GRM7: variants seen among roughly 807,000 people sequenced by gnomAD.
GRM7 encodes glutamate metabotropic receptor 7.
Under a neutral mutation model 84.5 loss-of-function variants are expected in GRM7, and 35 were observed. The ratio of observed to expected loss-of-function variants is 0.41; its 90% CI spans 0.32 to 0.55. The LOEUF (loss-of-function observed/expected upper bound fraction) is 0.55, where lower values mean the gene tolerates loss of function less well. Among genes scored for constraint, GRM7 ranks in the 20% least tolerant of loss-of-function variants. GRM7 has a pLI of 0.19. For missense variants in GRM7, 1,003 were observed against 1,194.6 expected, an observed-to-expected ratio of 0.84 and a Z score of 2.36; for synonymous variants, 487 against 455.1, an observed-to-expected ratio of 1.07 and a Z score of -0.89.
At chr3:6,924,066 T>C (rs1360669261) in intron 1 of GRM7, among the ~76,000 whole-genome samples, 2 of 152,232 alleles carry the variant, frequency 1.3e-5, no homozygotes, top group African/African-American at 4.8e-5. Context: ...ACCTCACTTG[T>C]TTTCTCTGAA....
At chr3:7,138,376 C>A (rs2875256) in intron 1 of GRM7, among the ~76,000 whole-genome samples, 32,333 of 151,686 alleles carry the variant, frequency 0.21, 3,749 homozygotes, top group Middle Eastern at 0.31. Flanking sequence ...TAAAGTAGAT[C>A]AGAAGAAAAT....
intron 4 of GRM7, among the ~76,000 whole-genome samples, chr3:7,358,552 A>G (rs917690709): frequency 1.3e-5 from 2 of 148,572 alleles, no homozygotes; most frequent in Admixed American, 6.7e-5. Flanking sequence ...AAAATTCACA[A>G]TATATTTTAA....
intron 1 of GRM7, among the ~76,000 whole-genome samples, chr3:7,093,785 A>G (rs1574892998): frequency 6.7e-6 from 1 of 149,676 alleles, no homozygotes; most frequent in Non-Finnish European, 1.5e-5. Context: ...TTAAACTTCA[A>G]TTGAATACTT....
chr3:7,041,466 T>A (rs1415137429), intron 1 of GRM7, among the ~76,000 whole-genome samples: 1 of 144,324 alleles, frequency 6.9e-6, no homozygotes, highest in African/African-American at 2.9e-5. Flanking sequence ...ATAGTTAATT[T>A]CTTTTTATTA....
intron 7 of GRM7, among the ~76,000 whole-genome samples, chr3:7,492,620 T>C (rs1203945238): frequency 6.6e-6 from 1 of 152,142 alleles, no homozygotes; most frequent in Non-Finnish European, 1.5e-5. Flanking sequence ...GATAATTCTA[T>C]CTATTTTATA....
At chr3:7,427,172 ACT>A (rs1473745753) in intron 5 of GRM7, among the ~76,000 whole-genome samples, 1 of 152,214 alleles carries the variant, frequency 6.6e-6, no homozygotes, top group African/African-American at 2.4e-5. Flanking sequence ...AAGTGTTCCC[ACT>A]TTAAGGAAAA....
chr3:6,905,108 T>C (rs1032692436), intron 1 of GRM7, among the ~76,000 whole-genome samples: 6 of 152,176 alleles, frequency 3.9e-5, no homozygotes, highest in African/African-American at 1.4e-4. Flanking sequence ...ACTTCATTCT[T>C]CCAGAATTAA....
intron 7 of GRM7, among the ~76,000 whole-genome samples, chr3:7,565,379 ACTTTAATCGAGT>A (rs200052157): frequency 6.6e-6 from 1 of 152,186 alleles, no homozygotes; most frequent in East Asian, 1.9e-4. Flanking sequence ...AAATAAATAG[ACTTTAATCGAGT>A]CTCATTTTTG....
At chr3:7,339,191 T>C (rs1413353132) in intron 4 of GRM7, among the ~76,000 whole-genome samples, 1 of 152,114 alleles carries the variant, frequency 6.6e-6, no homozygotes, top group East Asian at 1.9e-4. Flanking sequence ...TTATCCTCTC[T>C]GAATTGCCTA....
intron 7 of GRM7, among the ~76,000 whole-genome samples, chr3:7,489,152 C>T (rs1041110804): frequency 3.9e-5 from 6 of 152,128 alleles, no homozygotes; most frequent in Non-Finnish European, 7.4e-5. Flanking sequence ...TTTTTAAAAA[C>T]GTATTTGACT....
At chr3:7,356,762 C>A (rs1693423116) in intron 4 of GRM7, among the ~76,000 whole-genome samples, 1 of 152,050 alleles carries the variant, frequency 6.6e-6, no homozygotes, top group Non-Finnish European at 1.5e-5. Flanking sequence ...GGGTCTCAGG[C>A]CTTTGGCCTC....
At chr3:6,954,809 G>C (rs1692957333) in intron 1 of GRM7, among the ~76,000 whole-genome samples, 1 of 152,174 alleles carries the variant, frequency 6.6e-6, no homozygotes. Context: ...TGTATAGTAA[G>C]TGCCTAATAA....
chr3:6,877,419 T>G (rs901764488), intron 1 of GRM7, among the ~76,000 whole-genome samples: 8 of 152,220 alleles, frequency 5.3e-5, no homozygotes, highest in African/African-American at 1.7e-4. Flanking sequence ...GGTATGTTCA[T>G]GGACTTCATG....
At chr3:7,599,502 TG>T (rs1439298354) in intron 8 of GRM7, among the ~76,000 whole-genome samples, 1 of 152,112 alleles carries the variant, frequency 6.6e-6, no homozygotes, top group Non-Finnish European at 1.5e-5. Flanking sequence ...CATTAACACC[TG>T]GGATGTGGGT....
At chr3:7,594,637 G>A (rs184818021) in intron 8 of GRM7, among the ~76,000 whole-genome samples, 6 of 152,146 alleles carry the variant, frequency 3.9e-5, no homozygotes, top group East Asian at 1.9e-4. Context: ...ACAGGCCTCC[G>A]CAGTATTCAT....
chr3:7,070,760 G>T (rs568829216), intron 1 of GRM7, among the ~76,000 whole-genome samples: 19 of 152,072 alleles, frequency 1.2e-4, no homozygotes, highest in Non-Finnish European at 2.6e-4. Flanking sequence ...GACAATGCAA[G>T]TTGAAATGAT....
At chr3:7,119,537 A>C (rs550094023) in intron 1 of GRM7, among the ~76,000 whole-genome samples, 2 of 152,248 alleles carry the variant, frequency 1.3e-5, no homozygotes, top group South Asian at 4.1e-4. Flanking sequence ...CAAATACATT[A>C]CTCGACACTT....
intron 2 of GRM7, among the ~76,000 whole-genome samples, chr3:7,235,754 G>A (rs1204266698): frequency 6.6e-6 from 1 of 152,042 alleles, no homozygotes; most frequent in Non-Finnish European, 1.5e-5. Flanking sequence ...CAAGATGTGA[G>A]GAATATAACA....
intron 7 of GRM7, among the ~76,000 whole-genome samples, chr3:7,568,605 C>T (rs575612502): frequency 5.9e-5 from 9 of 152,290 alleles, no homozygotes; most frequent in South Asian, 2.1e-4. Flanking sequence ...GAGGGAGAGG[C>T]GCAAGCGGGA....
Sources: gnomAD v4.1 joint callset for allele counts (sites outside exome capture counted in the v4.1 genomes callset) on GRCh38, gnomAD v4.1.1 for gene constraint, MANE v1.5 for transcripts, NCBI Gene and HGNC (gene_info 2026-07-23, HGNC 2026-07-21) for gene names.